The following STRADB variants were observed in gnomAD, a reference collection of about 807,000 sequenced individuals.
STRADB encodes the protein STE20 related adaptor beta.
Under a neutral mutation model 52.1 loss-of-function variants are expected in STRADB, and 34 were observed. That is an observed-to-expected ratio of 0.65 (90% CI 0.50 to 0.87). The LOEUF is 0.87. STRADB is among the 40% of genes least tolerant of loss of function. The probability of loss-of-function intolerance (pLI) is 0.00; values close to 1 mark genes in which losing one functional copy is unlikely to be tolerated. For missense variants in STRADB, 340 were observed against 483.9 expected (o/e 0.70, Z 2.79); for synonymous variants, 133 against 174.5 (o/e 0.76, Z 1.87).
intron 3 of STRADB, among the ~76,000 whole-genome samples, chr2:201,459,658 A>C (rs1387253201): frequency 3.3e-5 from 5 of 152,134 alleles, no homozygotes; most frequent in Non-Finnish European, 7.4e-5. Context: ...TCCTAGACAC[A>C]CACATAGTCT....
chr2:201,469,340 A>G (rs1004886570), intron 3 of STRADB, among the ~76,000 whole-genome samples: 5 of 152,042 alleles, frequency 3.3e-5, no homozygotes, highest in African/African-American at 1.2e-4. Context: ...TTTCACTGTC[A>G]CTGTATTCAG....
chr2:201,475,150 G>A (rs922402240), intron 6 of STRADB, among the ~76,000 whole-genome samples: 1 of 152,138 alleles, frequency 6.6e-6, no homozygotes, highest in Non-Finnish European at 1.5e-5. Context: ...CTTTGTGTGT[G>A]TCCATGTCCC....
chr2:201,477,051 A>ATTT (rs1952485767), intron 7 of STRADB, among the ~76,000 whole-genome samples: 3 of 78,726 alleles, frequency 3.8e-5, no homozygotes, highest in Non-Finnish European at 4.9e-5. Flanking sequence ...AAATATTATC[A>ATTT]GTTTTTTTTT....
At chr2:201,463,467 A>T (rs1166692494) in intron 3 of STRADB, among the ~76,000 whole-genome samples, 4 of 150,696 alleles carry the variant, frequency 2.7e-5, no homozygotes, top group Admixed American at 2.0e-4. Flanking sequence ...CTTTTTTCTT[A>T]CTTCTTTTAG....
intron 3 of STRADB, among the ~76,000 whole-genome samples, chr2:201,468,093 T>TC (rs1251322746): frequency 5.1e-5 from 6 of 117,864 alleles, no homozygotes; most frequent in South Asian, 4.5e-4. Flanking sequence ...TTCTTTTTTT[T>TC]TTTTTTTTTT....
In STRADB at chr2:201,480,369, C is replaced by T; in HGVS notation, c.*194C>T. 2 of 1,370,402 alleles carry T rather than the reference C, an allele frequency of 1.5e-6. No homozygotes were observed. Among genetic ancestry groups the T allele is most frequent in the South Asian group, 2.0e-5 (1 of 50,986 alleles). 84.9% of individuals were successfully genotyped at this position (1,370,402 alleles called of 1,614,324 possible). A position where few individuals can be genotyped will look rare whatever the true frequency, so the allele number is the denominator to read the frequency against. On this transcript the variant is annotated 3_prime_UTR_variant, in exon 12 of 12. Coordinates refer to ENST00000194530, the MANE Select transcript of STRADB (RefSeq NM_018571.6). ...CTCTGTTTCGCACAGAGTACTATGA[C>T]AAGGAAACATCAGAATTACTAATCT...
intron 6 of STRADB, among the ~76,000 whole-genome samples, chr2:201,475,044 A>T (rs1952449925): frequency 6.6e-6 from 1 of 152,140 alleles, no homozygotes; most frequent in African/African-American, 2.4e-5. Flanking sequence ...ATGGAGACCT[A>T]CTGTTATTCT....
intron 3 of STRADB, among the ~76,000 whole-genome samples, chr2:201,464,630 G>C (rs1350816653): frequency 6.6e-6 from 1 of 152,200 alleles, no homozygotes; most frequent in African/African-American, 2.4e-5. Flanking sequence ...GGGCTCTTCA[G>C]TCACCAGGTG....
intron 4 of STRADB, among the ~76,000 whole-genome samples, chr2:201,470,486 T>C (rs1952372529): frequency 1.3e-5 from 2 of 152,260 alleles, no homozygotes; most frequent in African/African-American, 4.8e-5. Flanking sequence ...TGGAATAGGA[T>C]GGGTTATTGT....
At chr2:201,463,377 G>A (rs2540444) in intron 3 of STRADB, among the ~76,000 whole-genome samples, 149,389 of 150,536 alleles carry the variant, frequency 0.99, 74,140 homozygotes, top group East Asian at 1. Context: ...TAAATATGTT[G>A]TGCTACTCTC....
chr2:201,473,130 A>G, intron 5 of STRADB, 54 bp downstream of exon 5: 1 of 1,508,818 alleles, frequency 6.6e-7, no homozygotes, highest in Non-Finnish European at 8.9e-7. Flanking sequence ...CACTGGTTCC[A>G]CATCTGCAGA....
At chr2:201,478,032 A>C (rs967384847) in intron 8 of STRADB, 55 bp from the exon 9 acceptor site, 80 of 1,462,838 alleles carry the variant, frequency 5.5e-5, no homozygotes, top group Non-Finnish European at 7.4e-5. Context: ...ACATGTGTAT[A>C]ACTTTTGGTT....
At chr2:201,463,396 T>G (rs1489112835) in intron 3 of STRADB, among the ~76,000 whole-genome samples, 2 of 151,808 alleles carry the variant, frequency 1.3e-5, no homozygotes, top group Non-Finnish European at 2.9e-5. Context: ...TCTCCTGGCC[T>G]GTAAGGTTTC....
chr2:201,458,701 A>C, intron 2 of STRADB, 83 bp from the exon 3 acceptor site: 2 of 1,258,874 alleles, frequency 1.6e-6, no homozygotes, highest in Non-Finnish European at 2.3e-6. Context: ...CACTGTAGTC[A>C]TTAGACCTTT....
At chr2:201,455,213 G>A (rs1233433346) in intron 2 of STRADB, among the ~76,000 whole-genome samples, 1 of 152,078 alleles carries the variant, frequency 6.6e-6, no homozygotes, top group African/African-American at 2.4e-5. Context: ...AAGCCAAACA[G>A]TATTAAAAAT....
chr2:201,464,394 T>A (rs181599355), intron 3 of STRADB, among the ~76,000 whole-genome samples: 2 of 152,322 alleles, frequency 1.3e-5, no homozygotes, highest in East Asian at 3.9e-4. Flanking sequence ...GAGAATTACC[T>A]GGATTACTAG....
chr2:201,458,704 A>G, intron 2 of STRADB, 80 bp from the exon 3 acceptor site: 1 of 1,281,590 alleles, frequency 7.8e-7, no homozygotes, highest in Non-Finnish European at 1.1e-6. Flanking sequence ...TGTAGTCATT[A>G]GACCTTTTTG....
chr2:201,468,488 A>C (rs1952340200), intron 3 of STRADB, among the ~76,000 whole-genome samples: 1 of 152,132 alleles, frequency 6.6e-6, no homozygotes, highest in Non-Finnish European at 1.5e-5. Flanking sequence ...TCTGAGTTCT[A>C]TCATAGTTGC....
At chr2:201,476,877 G>A (rs1021329647) in intron 7 of STRADB, among the ~76,000 whole-genome samples, 1 of 148,172 alleles carries the variant, frequency 6.7e-6, no homozygotes, top group African/African-American at 2.5e-5. Flanking sequence ...AGCTACTCAG[G>A]AGGCTGAGGC....
Sources: allele counts gnomAD v4.1 joint callset (sites outside exome capture counted in the v4.1 genomes callset), GRCh38; gene constraint gnomAD v4.1.1; transcripts MANE v1.5; gene names NCBI Gene and HGNC (gene_info 2026-07-23, HGNC 2026-07-21).